The following TOM1L1 variants were observed in gnomAD, a reference collection of about 807,000 sequenced individuals.
TOM1L1 encodes TOM1-like protein 1.
In TOM1L1, 64 loss-of-function variants were observed where a neutral mutation model predicts 63.4. The observed-to-expected ratio is 1.01, with a 90% CI of 0.83 to 1.24. The LOEUF (loss-of-function observed/expected upper bound fraction) is 1.24. Among genes scored for constraint, TOM1L1 ranks in the 50% most tolerant of loss-of-function variants. The pLI is 0.00. For missense variants in TOM1L1, 536 were observed against 567.0 expected, an observed-to-expected ratio of 0.95 and a Z score of 0.55; for synonymous variants, 166 against 194.4, an observed-to-expected ratio of 0.85 and a Z score of 1.22.
intron 3 of TOM1L1, among the ~76,000 whole-genome samples, chr17:54,907,383 G>A (rs2048429539): frequency 1.3e-5 from 2 of 152,080 alleles, no homozygotes; most frequent in Non-Finnish European, 2.9e-5. Context: ...ATTTATTTCC[G>A]AGATGAAAAT....
intron 8 of TOM1L1, among the ~76,000 whole-genome samples, chr17:54,933,723 A>G (rs1159313510): frequency 6.6e-6 from 1 of 152,088 alleles, no homozygotes; most frequent in Non-Finnish European, 1.5e-5. Flanking sequence ...GGGTTTCACT[A>G]TGTTGGCCAG....
intron 3 of TOM1L1, chr17:54,906,921 A>G: frequency 1.8e-6 from 1 of 564,506 alleles, no homozygotes; most frequent in Non-Finnish European, 2.2e-6. Flanking sequence ...TGGTCACGGC[A>G]CTAATCAGCC....
chr17:54,932,737 T>C (rs12603899), intron 8 of TOM1L1, among the ~76,000 whole-genome samples: 43,953 of 152,084 alleles, frequency 0.29, 6,382 homozygotes, highest in Middle Eastern at 0.31. Context: ...CTTTCTTTCT[T>C]AGCACTGAAG....
chr17:54,939,739 T>G (rs1208414183), intron 11 of TOM1L1, among the ~76,000 whole-genome samples: 1 of 152,096 alleles, frequency 6.6e-6, no homozygotes, highest in Non-Finnish European at 1.5e-5. Context: ...TTTTTAAAAT[T>G]TTTTGTAGAG....
chr17:54,914,893 C>T (rs1005164935), intron 6 of TOM1L1, 150 bp downstream of exon 6: 2 of 682,746 alleles, frequency 2.9e-6, no homozygotes, highest in African/African-American at 3.6e-5. Flanking sequence ...TACTATGTGA[C>T]TTACCATAGT....
At chr17:54,943,577 G>C (rs2049067383) in intron 11 of TOM1L1, among the ~76,000 whole-genome samples, 1 of 151,106 alleles carries the variant, frequency 6.6e-6, no homozygotes, top group South Asian at 2.1e-4. Flanking sequence ...ATGTATATAT[G>C]TTTATATATA....
At chr17:54,933,217 C>A (rs1465145900) in intron 8 of TOM1L1, among the ~76,000 whole-genome samples, 2 of 152,196 alleles carry the variant, frequency 1.3e-5, no homozygotes, top group Non-Finnish European at 2.9e-5. Context: ...TGGCTCATGG[C>A]CCCTTTTCTC....
chr17:54,905,368 CCA>C (rs2048392924), intron 2 of TOM1L1, 119 bp from the exon 3 acceptor site: 4 of 671,714 alleles, frequency 6.0e-6, no homozygotes, highest in Non-Finnish European at 2.6e-6. Context: ...CACAGTAGAA[CCA>C]AGGCCTTAGT....
chr17:54,945,084 A>G lies in TOM1L1; in HGVS notation c.1131-2177A>G, dbSNP rs137985045. Among the ~76,000 whole-genome samples the G allele has an allele frequency of 1.4e-4, 21 of 152,184 alleles. No individual in the cohort carries two copies. The East Asian group carries it at 2.9e-3, about 21-fold the overall frequency. ...TGTTCCCTGCCTCTTCCAGATTCCA[A>G]TGACTTGTGGGTACTCCTTGGATTT... On this transcript the variant is annotated intron_variant, in intron 11 of 15. Coordinates refer to ENST00000575882, the MANE Select transcript of TOM1L1 (RefSeq NM_005486.3).
intron 11 of TOM1L1, among the ~76,000 whole-genome samples, chr17:54,940,202 G>C (rs1326822034): frequency 6.6e-6 from 1 of 152,112 alleles, no homozygotes; most frequent in African/African-American, 2.4e-5. Context: ...CAGCCATCAG[G>C]TTTTCTGATA....
At chr17:54,949,447 T>C in intron 12 of TOM1L1, 71 bp from the exon 13 acceptor site, 2 of 1,099,380 alleles carry the variant, frequency 1.8e-6, no homozygotes, top group East Asian at 2.4e-5. Context: ...CTTGCAAGTG[T>C]AGGAGTCTCA....
chr17:54,912,409 A>T (rs889243682), intron 3 of TOM1L1, among the ~76,000 whole-genome samples: 9 of 152,180 alleles, frequency 5.9e-5, no homozygotes, highest in African/African-American at 1.9e-4. Context: ...TTTAGCATTT[A>T]GTACTCTGCA....
At chr17:54,908,357 T>C (rs2048444735) in intron 3 of TOM1L1, among the ~76,000 whole-genome samples, 1 of 152,224 alleles carries the variant, frequency 6.6e-6, no homozygotes, top group Non-Finnish European at 1.5e-5. Flanking sequence ...ACTCACTGCC[T>C]TGCAGAGGTA....
intron 8 of TOM1L1, among the ~76,000 whole-genome samples, chr17:54,931,964 G>T (rs1181045054): frequency 0.082 from 6,052 of 73,432 alleles, 535 homozygotes; most frequent in African/African-American, 0.27. Context: ...TTTTTTGTTT[G>T]TTTGTTTGTT....
intron 8 of TOM1L1, among the ~76,000 whole-genome samples, chr17:54,931,779 G>A (rs2048862034): frequency 6.6e-6 from 1 of 151,822 alleles, no homozygotes; most frequent in Admixed American, 6.6e-5. Context: ...CTCCAGCCTG[G>A]GTGACAGAGT....
At chr17:54,932,352 CA>C (rs2048877726) in intron 8 of TOM1L1, among the ~76,000 whole-genome samples, 1 of 152,154 alleles carries the variant, frequency 6.6e-6, no homozygotes, top group South Asian at 2.1e-4. Flanking sequence ...CTTTTCTCTA[CA>C]ATGTCTGTAA....
intron 7 of TOM1L1, among the ~76,000 whole-genome samples, chr17:54,929,026 T>G (rs981984052): frequency 6.6e-6 from 1 of 152,222 alleles, no homozygotes. Context: ...TCTTTCTTTC[T>G]TGAGGGGAAA....
chr17:54,928,438 A>G (rs143367880), intron 7 of TOM1L1, among the ~76,000 whole-genome samples: 3 of 152,278 alleles, frequency 2.0e-5, no homozygotes, highest in African/African-American at 7.2e-5. Context: ...CAACTTCCAT[A>G]GCAGGCATAT....
rs2049134790 is a variant in TOM1L1, at chr17:54,947,241, G to A, written c.1131-20G>A. On this transcript the variant is annotated intron_variant, in intron 11 of 15. Coordinates refer to ENST00000575882, the MANE Select transcript of TOM1L1 (RefSeq NM_005486.3). ...GTTCTCACTGTAGGGTAATCATTCT[G>A]TGTTATCACACTATCCTAGGTTTGC... The A allele has an allele frequency of 6.2e-7, 1 of 1,613,292 alleles. No homozygotes were observed. Among genetic ancestry groups the A allele is most frequent in the Non-Finnish European group, 8.5e-7 (1 of 1,179,450 alleles).
Sources: allele counts gnomAD v4.1 joint callset (sites outside exome capture counted in the v4.1 genomes callset), GRCh38; gene constraint gnomAD v4.1.1; transcripts MANE v1.5; gene names NCBI Gene and HGNC (gene_info 2026-07-23, HGNC 2026-07-21).